Variants in KDM4C observed in about 807,000 individuals in gnomAD.
KDM4C encodes the protein lysine-specific demethylase 4C.
A neutral mutation model predicts 129.3 loss-of-function variants in KDM4C; 81 were observed. The observed-to-expected ratio is 0.63, with a 90% CI of 0.52 to 0.75. The LOEUF is 0.75. Among genes scored for constraint, KDM4C ranks in the 30% least tolerant of loss-of-function variants. The pLI is 0.00. For missense variants in KDM4C, 1,457 were observed against 1,304.0 expected (o/e 1.12, Z -1.81); for synonymous variants, 573 against 456.1 (o/e 1.26, Z -3.26).
intron 6 of KDM4C, among the ~76,000 whole-genome samples, chr9:6,881,138 G>A (rs909835998): frequency 6.6e-6 from 1 of 152,164 alleles, no homozygotes; most frequent in African/African-American, 2.4e-5. Flanking sequence ...ATGAAATGGG[G>A]ACACTGAGAA....
chr9:7,060,451 GTTGTTATTATTATTATTATTA>G (rs143491322), intron 17 of KDM4C, among the ~76,000 whole-genome samples: 28,198 of 138,206 alleles, frequency 0.2, 4,102 homozygotes, highest in African/African-American at 0.41. Context: ...TAGCAGTATT[GTTGTTATTATTATTATTATTA>G]TTATTATTAT....
chr9:7,120,498 T>G (rs1267237478), intron 18 of KDM4C, among the ~76,000 whole-genome samples: 1 of 152,166 alleles, frequency 6.6e-6, no homozygotes, highest in Non-Finnish European at 1.5e-5. Flanking sequence ...TAGAGGTGGC[T>G]TAGTATGATG....
chr9:6,748,325 T>G (rs1044655160), intron 1 of KDM4C, among the ~76,000 whole-genome samples: 1 of 151,908 alleles, frequency 6.6e-6, no homozygotes, highest in Admixed American at 6.6e-5. Flanking sequence ...CTGACCAACA[T>G]GGAGAAACCC....
intron 2 of KDM4C, among the ~76,000 whole-genome samples, chr9:6,799,415 A>G (rs1204667222): frequency 1.3e-5 from 2 of 152,010 alleles, no homozygotes; most frequent in African/African-American, 4.8e-5. Context: ...AAATACGAAA[A>G]CCAGTCAGGA....
intron 17 of KDM4C, among the ~76,000 whole-genome samples, chr9:7,051,789 A>G (rs1263649241): frequency 6.6e-6 from 1 of 152,154 alleles, no homozygotes; most frequent in Non-Finnish European, 1.5e-5. Flanking sequence ...GTCATAATCA[A>G]TTTATTTCAC....
chr9:7,019,754 T>C (rs1044541784), intron 15 of KDM4C, among the ~76,000 whole-genome samples: 10 of 114,336 alleles, frequency 8.7e-5, no homozygotes, highest in Non-Finnish European at 1.2e-4. Context: ...AATATTTTTA[T>C]ATATAAAAAT....
At chr9:6,958,927 C>T (rs1263233231) in intron 8 of KDM4C, among the ~76,000 whole-genome samples, 4 of 152,046 alleles carry the variant, frequency 2.6e-5, no homozygotes, top group Non-Finnish European at 5.9e-5. Flanking sequence ...GGATTACAGG[C>T]GTGAGCCACC....
chr9:6,841,534 T>C (rs1246338675), intron 4 of KDM4C, among the ~76,000 whole-genome samples: 1 of 152,238 alleles, frequency 6.6e-6, no homozygotes, highest in Admixed American at 6.5e-5. Context: ...TGTATCAGTT[T>C]ATCAATTTTT....
chr9:7,059,275 A>AT (rs966019387), intron 17 of KDM4C, among the ~76,000 whole-genome samples: 2 of 151,904 alleles, frequency 1.3e-5, no homozygotes, highest in African/African-American at 4.8e-5. Context: ...TCATTTTTAA[A>AT]TTTTTTTGGT....
chr9:6,931,507 T>C (rs1373223760), intron 8 of KDM4C, among the ~76,000 whole-genome samples: 1 of 119,842 alleles, frequency 8.3e-6, no homozygotes, highest in Non-Finnish European at 1.8e-5. Flanking sequence ...TATATATATA[T>C]TTTTTTTTCA....
At chr9:7,018,909 A>C (rs1199393393) in intron 15 of KDM4C, among the ~76,000 whole-genome samples, 2 of 152,224 alleles carry the variant, frequency 1.3e-5, no homozygotes, top group East Asian at 3.8e-4. Context: ...AAACTATGTA[A>C]ATCTCTGTCA....
At chr9:6,857,740 G>C (rs1318428287) in intron 5 of KDM4C, among the ~76,000 whole-genome samples, 2 of 151,178 alleles carry the variant, frequency 1.3e-5, no homozygotes, top group African/African-American at 4.9e-5. Flanking sequence ...TAGTTTTCCA[G>C]AGTAGCCAGC....
In KDM4C at chr9:6,958,687, A is replaced by ATTTTT. The variant is rs377187050; in HGVS notation, c.922-22227_922-22223dup. 1.0e-3 allele frequency among the ~76,000 whole-genome samples: 139 copies of ATTTTT among 136,342 alleles called. 2 individuals carry two copies. The highest frequency in any genetic ancestry group is 1.7e-3 in the Non-Finnish European group (109 of 65,318). 89.4% of individuals were successfully genotyped at this position (136,342 alleles called of 152,430 possible). On this transcript the variant is annotated intron_variant, in intron 8 of 21. Transcript: ENST00000381309. Reference sequence around the variant, plus strand: ...AATACATTATGCCTTTCTTTATATGATTTTTTTTTTTTTTTGGGACAGGGT... The same window carrying ATTTTT: ...AATACATTATGCCTTTCTTTATATGATTTTTTTTTTTTTTTTTTTTGGGACAGGGT...
intron 15 of KDM4C, among the ~76,000 whole-genome samples, chr9:7,033,909 A>C (rs773484471): frequency 6.6e-5 from 10 of 152,074 alleles, no homozygotes; most frequent in Non-Finnish European, 1.0e-4. Context: ...TTTTGCAATG[A>C]GGAGAGAGAT....
chr9:6,845,346 C>G (rs769312602), intron 4 of KDM4C, among the ~76,000 whole-genome samples: 2 of 152,118 alleles, frequency 1.3e-5, no homozygotes, highest in Non-Finnish European at 2.9e-5. Flanking sequence ...TTCCATGTAG[C>G]AGGGATTACA....
intron 17 of KDM4C, among the ~76,000 whole-genome samples, chr9:7,079,730 T>C (rs899397949): frequency 6.6e-6 from 1 of 152,244 alleles, no homozygotes; most frequent in African/African-American, 2.4e-5. Flanking sequence ...TGTAATACTT[T>C]ATATAATAGA....
rs137982319 is a variant in KDM4C, at chr9:6,837,632, A to T, written c.436-11875A>T. Among the ~76,000 whole-genome samples, 794 of 152,282 alleles carry T rather than the reference A, an allele frequency of 5.2e-3. 10 individuals are homozygous for T. Among genetic ancestry groups the T allele is most frequent in the African/African-American group, 0.018 (761 of 41,542 alleles). ...ATATCTTTTCATGTCTTTATCGGCC[A>T]TTCATATTCCTGTCTTTATGAACTG... is the stretch of plus-strand genomic sequence containing the variant. On this transcript the variant is annotated intron_variant, in intron 4 of 21. Transcript: ENST00000381309.
intron 8 of KDM4C, among the ~76,000 whole-genome samples, chr9:6,949,714 C>T (rs1265616677): frequency 3.9e-5 from 6 of 152,134 alleles, no homozygotes; most frequent in Admixed American, 1.3e-4. Context: ...TGGCGGCGCG[C>T]GCCTGCAATC....
At chr9:6,823,674 A>G (rs867179752) in intron 4 of KDM4C, among the ~76,000 whole-genome samples, 1 of 152,198 alleles carries the variant, frequency 6.6e-6, no homozygotes, top group South Asian at 2.1e-4. Flanking sequence ...CCAGATAATC[A>G]TTGGTCTCCT....
Sources: gnomAD v4.1 joint callset for allele counts (sites outside exome capture counted in the v4.1 genomes callset) on GRCh38, gnomAD v4.1.1 for gene constraint, MANE v1.5 for transcripts, NCBI Gene and HGNC (gene_info 2026-07-23, HGNC 2026-07-21) for gene names.